The following CR1 variants were observed in gnomAD, a reference collection of about 807,000 sequenced individuals.
The protein encoded by CR1 is complement receptor type 1.
CR1 carries 116 observed loss-of-function variants against 187.3 expected under a neutral mutation model. The ratio of observed to expected loss-of-function variants is 0.62; its 90% confidence interval spans 0.53 to 0.72. The LOEUF (loss-of-function observed/expected upper bound fraction) is 0.72, where lower values mean the gene tolerates loss of function less well. Among genes scored for constraint, CR1 ranks in the 30% least tolerant of loss-of-function variants. The pLI, the probability that CR1 is intolerant of heterozygous loss-of-function variation, is 0.00. For missense variants in CR1, 1,731 were observed against 2,110.7 expected, an observed-to-expected ratio of 0.82 and a Z score of 3.52; for synonymous variants, 576 against 747.1, an observed-to-expected ratio of 0.77 and a Z score of 3.73.
Position 207,577,903 on chromosome 1 carries a change from A to T in CR1, c.4636A>T (p.Asn1546Tyr). ...TGGATCAGTGGTGACCTACCGCTGCAATCTTGGAAGCAGAGGGAGAAAGGT... is the reference window on the plus strand; with the variant it reads ...TGGATCAGTGGTGACCTACCGCTGCTATCTTGGAAGCAGAGGGAGAAAGGT... ...HYGSVVTYRC[N>Y]LGSRGRKVFE... is the part of the protein sequence containing the mutation. Residue 1546 changes from asparagine (N) to tyrosine (Y), a missense_variant, in exon 29 of 47, where the codon AAT becomes TAT. Physicochemically the swap from Asn to Tyr is moderately radical, Grantham distance 143. Transcript: ENST00000367049. 1 of 1,613,194 alleles carries T rather than the reference A, an allele frequency of 6.2e-7. No individual in the cohort carries two copies. Among genetic ancestry groups the T allele is most frequent in the Non-Finnish European group, 8.5e-7 (1 of 1,179,808 alleles).
At chr1:207,511,176 G>A (rs1659603963) in intron 3 of CR1, among the ~76,000 whole-genome samples, 1 of 151,990 alleles carries the variant, frequency 6.6e-6, no homozygotes, top group Admixed American at 6.6e-5. Flanking sequence ...ATGCATCCAT[G>A]CATCCATACT....
At chr1:207,516,841 T>C (rs1436358420) in intron 4 of CR1, among the ~76,000 whole-genome samples, 1 of 152,176 alleles carries the variant, frequency 6.6e-6, no homozygotes, top group Non-Finnish European at 1.5e-5. Flanking sequence ...GAATAGTTTA[T>C]CTGTAGATTC....
At chr1:207,498,530 T>C (rs1311991365) in intron 1 of CR1, among the ~76,000 whole-genome samples, 1 of 152,224 alleles carries the variant, frequency 6.6e-6, no homozygotes, top group African/African-American at 2.4e-5. Context: ...AAAAGAACTA[T>C]AATTTATATG....
At chr1:207,522,347 C>T (rs532119118) in intron 4 of CR1, among the ~76,000 whole-genome samples, 1 of 152,318 alleles carries the variant, frequency 6.6e-6, no homozygotes, top group East Asian at 1.9e-4. Flanking sequence ...TCAGTTAACC[C>T]TGATTACCAG....
chr1:207,587,072 G>A (rs1457705988), intron 33 of CR1, among the ~76,000 whole-genome samples: 1 of 152,158 alleles, frequency 6.6e-6, no homozygotes, highest in Non-Finnish European at 1.5e-5. Context: ...GAAGATTTGA[G>A]TGGTTAACTG....
In CR1 at chr1:207,511,583, G is replaced by T; in HGVS notation, c.416G>T (p.Gly139Val). ...YSCTKGYRLI[G>V]SSSATCIISG... ...TTTGCCTCTAGATACCGACTCATTG[G>T]TTCCTCGTCTGCCACATGCATCATC... is the stretch of plus-strand genomic sequence containing the variant. Residue 139 changes from glycine (G) to valine (V), a missense_variant, in exon 4 of 47, where the codon GGT becomes GTT. Gly to Val is a moderately radical substitution (Grantham distance 109). Around this residue, in one of 5 missense-constraint regions of CR1, gnomAD observed 237 missense variants for 240.4 expected, o/e 0.99. Transcript: ENST00000367049. 6.2e-7 allele frequency: 1 copy of T among 1,613,138 alleles called. No individual in the cohort carries two copies. The highest frequency in any genetic ancestry group is 8.5e-7 in the Non-Finnish European group (1 of 1,179,398).
rs1468733502 is a variant in CR1, at chr1:207,612,039, A to C, written c.6573A>C (p.Glu2191Asp). 1.9e-6 allele frequency: 3 copies of C among 1,613,890 alleles called. No homozygotes were observed. Among genetic ancestry groups the C allele is most frequent in the Non-Finnish European group, 2.5e-6 (3 of 1,179,762 alleles). Reference sequence around the variant, plus strand: ...CAAAGGTGTCCTTTGTTTGCGATGAAGGGTGAGTGTGACCCAGCGTTGAGA... The same window carrying C: ...CAAAGGTGTCCTTTGTTTGCGATGACGGGTGAGTGTGACCCAGCGTTGAGA... The part of the protein sequence containing the change: ...LGAKVSFVCD[E>D]GFRLKGRSAS... The change falls in exon 39 of 47, where the codon GAA (glutamate) becomes GAC (aspartate). Residue 2191 changes from glutamate (E) to aspartate (D), a missense_variant and splice_region_variant. Coordinates refer to ENST00000367049, the MANE Select transcript of CR1 (RefSeq NM_000651.6).
rs1248372125 is a variant in CR1, at chr1:207,609,545, G to C, written c.6152G>C (p.Arg2051Thr). Residue 2051 changes from arginine to threonine, a missense_variant, in exon 37 of 47, where the codon AGA (arginine) becomes ACA (threonine). By Grantham distance (71) the Arg-to-Thr change is moderately conservative. Around this residue, in one of 5 missense-constraint regions of CR1, gnomAD observed 1,312 missense variants for 1,379.6 expected, o/e 0.95. Transcript: ENST00000367049. ...GCTCCAGAAGTTGAAAATGCAATTA[G>C]AGTACCAGGAAACAGGAGTTTCTTT... is the stretch of plus-strand genomic sequence containing the variant. ...CTAPEVENAIRVPGNRSFFTL... is the reference protein window; with the variant it reads ...CTAPEVENAITVPGNRSFFTL... 3.1e-6 allele frequency: 5 copies of C among 1,613,926 alleles called. 1 individual carries two copies. The South Asian group carries it at 4.4e-5, about 14-fold the overall frequency.
At chr1:207,522,044 A>G (rs1309487399) in intron 4 of CR1, among the ~76,000 whole-genome samples, 1 of 152,094 alleles carries the variant, frequency 6.6e-6, no homozygotes, top group Non-Finnish European at 1.5e-5. Flanking sequence ...CTAATGGGTC[A>G]GTTTCTGTCA....
chr1:207,626,910 T>A (rs968305039), intron 45 of CR1, among the ~76,000 whole-genome samples: 12 of 152,138 alleles, frequency 7.9e-5, no homozygotes, highest in Middle Eastern at 3.2e-3. Context: ...TAGTGGCACA[T>A]GCCTGTAGTC....
intron 40 of CR1, among the ~76,000 whole-genome samples, chr1:207,616,076 A>G (rs1276156227): frequency 1.3e-5 from 2 of 152,208 alleles, no homozygotes; most frequent in East Asian, 1.9e-4. Context: ...GTGTCTGATG[A>G]CACCACTGGA....
At chr1:207,617,942 C>A in intron 41 of CR1, 129 bp from the exon 42 acceptor site, 2 of 949,622 alleles carry the variant, frequency 2.1e-6, no homozygotes, top group Non-Finnish European at 3.1e-6. Flanking sequence ...GAGGGAGTGG[C>A]TTATGACCTG....
At chr1:207,599,146 A>AAG in intron 35 of CR1, 1 of 152,252 alleles carries the variant, frequency 6.6e-6, no homozygotes, top group Non-Finnish European at 1.5e-5. Flanking sequence ...AACAGTAGAT[A>AAG]AGCAATAGAC....
rs1458471535 is a variant in CR1, at chr1:207,609,295, T to C, written c.5902T>C (p.Ser1968Pro). ...DKKAPICEII[S>P]CEPPPTISNG... is the part of the protein sequence containing the mutation. ...CATACTCTTCCTTCTCTCAGTCATATCTTGTGAGCCACCTCCAACCATATC... is the reference window on the plus strand; with the variant it reads ...CATACTCTTCCTTCTCTCAGTCATACCTTGTGAGCCACCTCCAACCATATC... Residue 1968 changes from serine to proline, a missense_variant, in exon 37 of 47, where the codon TCT becomes CCT. Transcript: ENST00000367049. The C allele has an allele frequency of 6.2e-7, 1 of 1,605,088 alleles. No homozygotes were observed. Among genetic ancestry groups the C allele is most frequent in the South Asian group, 1.1e-5 (1 of 90,194 alleles).
chr1:207,623,410 T>C (rs1414304639), intron 45 of CR1, among the ~76,000 whole-genome samples: 3 of 152,064 alleles, frequency 2.0e-5, no homozygotes, highest in Non-Finnish European at 2.9e-5. Context: ...GGTAAAACCC[T>C]GTCTCTACTA....
intron 39 of CR1, among the ~76,000 whole-genome samples, chr1:207,613,315 G>C (rs887877529): frequency 1.3e-5 from 2 of 152,178 alleles, no homozygotes; most frequent in African/African-American, 4.8e-5. Context: ...TGGGGAGCCT[G>C]TGCTGATTGG....
intron 35 of CR1, among the ~76,000 whole-genome samples, chr1:207,592,763 C>T (rs1288725548): frequency 6.6e-6 from 1 of 152,020 alleles, no homozygotes; most frequent in African/African-American, 2.4e-5. Context: ...GATACAAAAT[C>T]AATGCAAAAA....
In CR1 at chr1:207,498,887, A is replaced by AAAAAAG. The variant is rs952849512; in HGVS notation, c.121+2504_121+2505insGAAAAA. ...AGCGCAACTCCAAATCAAAAAAAAA[A>AAAAAAG]AAAAAAGAAACAAACAAACAAAACA... On this transcript the variant is annotated intron_variant, in intron 1 of 46. Coordinates refer to ENST00000367049, the MANE Select transcript of CR1 (RefSeq NM_000651.6). 3.4e-5 allele frequency among the ~76,000 whole-genome samples: 5 copies of AAAAAAG among 149,156 alleles called. 1 individual carries two copies. The highest frequency in any genetic ancestry group is 6.7e-5 in the Admixed American group (1 of 15,024).
At chr1:207,566,324 T>C (rs936388683) in intron 24 of CR1, among the ~76,000 whole-genome samples, 4 of 150,172 alleles carry the variant, frequency 2.7e-5, no homozygotes, top group African/African-American at 7.6e-5. Flanking sequence ...TCTTTCTTTT[T>C]CATTTTGTTC....
Sources: allele counts gnomAD v4.1 joint callset (sites outside exome capture counted in the v4.1 genomes callset), GRCh38; gene constraint gnomAD v4.1.1; regional missense constraint gnomAD v4.1.1; transcripts MANE v1.5; gene names NCBI Gene and HGNC (gene_info 2026-07-23, HGNC 2026-07-21).